The following PRKN variants were observed in gnomAD, a reference collection of about 807,000 sequenced individuals.
PRKN encodes E3 ubiquitin-protein ligase parkin.
In PRKN, 56 loss-of-function variants were observed where a neutral mutation model predicts 59.5. That is an observed-to-expected ratio of 0.94 (90% CI 0.76 to 1.18). The LOEUF (loss-of-function observed/expected upper bound fraction) is 1.18. Ranked by LOEUF, PRKN falls within the 50% of genes most tolerant of loss-of-function variation. PRKN has a pLI of 0.00. For missense variants in PRKN, 657 were observed against 596.4 expected (o/e 1.10, Z -1.06); for synonymous variants, 250 against 222.1 (o/e 1.13, Z -1.12).
At chr6:161,384,932 C>CT (rs1329778424) in intron 10 of PRKN, among the ~76,000 whole-genome samples, 22 of 152,066 alleles carry the variant, frequency 1.4e-4, no homozygotes, top group Admixed American at 1.4e-3. Context: ...CTTTTCTTTT[C>CT]TTTTTTTGAG....
chr6:161,790,954 G>A (rs2128207952), intron 6 of PRKN, among the ~76,000 whole-genome samples: 1 of 152,234 alleles, frequency 6.6e-6, no homozygotes, highest in South Asian at 2.1e-4. Context: ...TCTGGGAGTG[G>A]AAATGAGAAG....
Position 161,438,907 on chromosome 6 carries a change from A to G in PRKN, c.1084-52030T>C, listed in dbSNP as rs561055506. On this transcript the variant is annotated intron_variant, in intron 9 of 11. Coordinates refer to ENST00000366898, the MANE Select transcript of PRKN (RefSeq NM_004562.3). ...TTTGTTTAAGAAATATAAGCACATGAGAGGCTTAAAAAGGTAGGGGTTGTA... is the reference window on the plus strand; with the variant it reads ...TTTGTTTAAGAAATATAAGCACATGGGAGGCTTAAAAAGGTAGGGGTTGTA... 2.6e-5 allele frequency among the ~76,000 whole-genome samples: 4 copies of G among 152,316 alleles called. No individual in the cohort carries two copies. In the South Asian group the frequency reaches 8.3e-4, roughly 32 times the overall value.
At chr6:162,100,378 C>T (rs1455274569) in intron 4 of PRKN, among the ~76,000 whole-genome samples, 2 of 152,042 alleles carry the variant, frequency 1.3e-5, no homozygotes, top group Non-Finnish European at 1.5e-5. Flanking sequence ...TACATTCCCA[C>T]CAACAGTGTA....
intron 1 of PRKN, among the ~76,000 whole-genome samples, chr6:162,689,203 C>T (rs1032929400): frequency 1.3e-5 from 2 of 152,128 alleles, no homozygotes; most frequent in African/African-American, 2.4e-5. Context: ...AATAATTCAT[C>T]GGTCTTTCTT....
At chr6:161,656,840 C>T (rs2128164002) in intron 7 of PRKN, among the ~76,000 whole-genome samples, 1 of 152,328 alleles carries the variant, frequency 6.6e-6, no homozygotes, top group Admixed American at 6.5e-5. Flanking sequence ...CCCCCTACCT[C>T]TTCCCAAATT....
chr6:161,572,729 T>C (rs895715700), intron 7 of PRKN, among the ~76,000 whole-genome samples: 1 of 152,088 alleles, frequency 6.6e-6, no homozygotes, highest in Non-Finnish European at 1.5e-5. Context: ...ATACATTAGC[T>C]TTCACAGGCA....
intron 6 of PRKN, among the ~76,000 whole-genome samples, chr6:161,941,774 G>GCC (rs1421490253): frequency 6.6e-6 from 1 of 152,098 alleles, no homozygotes; most frequent in African/African-American, 2.4e-5. Flanking sequence ...ACGCCCCCAT[G>GCC]ACATGCCCTG....
chr6:161,801,946 AAAC>A (rs1372801412), intron 6 of PRKN, among the ~76,000 whole-genome samples: 3 of 152,196 alleles, frequency 2.0e-5, no homozygotes, highest in African/African-American at 7.2e-5. Context: ...GCTGAGGGTT[AAAC>A]AACAGGCAAG....
chr6:161,728,469 G>T (rs1442743617), intron 7 of PRKN, among the ~76,000 whole-genome samples: 1 of 152,164 alleles, frequency 6.6e-6, no homozygotes, highest in Non-Finnish European at 1.5e-5. Flanking sequence ...GAGAGGAAGA[G>T]GGGCTTGTCA....
chr6:162,358,088 A>G, intron 2 of PRKN, among the ~76,000 whole-genome samples: 1 of 152,186 alleles, frequency 6.6e-6, no homozygotes, highest in East Asian at 1.9e-4. Flanking sequence ...ACGTATCAAT[A>G]TTGCTTCACC....
chr6:162,726,246 T>C (rs541332430), intron 1 of PRKN, among the ~76,000 whole-genome samples: 2 of 152,328 alleles, frequency 1.3e-5, no homozygotes, highest in East Asian at 3.9e-4. Context: ...TAGATTAAGT[T>C]AAATTAAAAT....
At chr6:162,269,127 T>C (rs1229359381) in intron 2 of PRKN, among the ~76,000 whole-genome samples, 1 of 152,126 alleles carries the variant, frequency 6.6e-6, no homozygotes, top group Non-Finnish European at 1.5e-5. Context: ...CGGATGCTGG[T>C]GCTGGCTCAA....
chr6:162,653,416 T>A (rs908653019), intron 1 of PRKN, among the ~76,000 whole-genome samples: 17 of 152,188 alleles, frequency 1.1e-4, no homozygotes, highest in African/African-American at 3.6e-4. Flanking sequence ...AATAATTTTT[T>A]AAAAATCAAC....
rs575111224 is a variant in PRKN, at chr6:161,409,479, A to G, written c.1084-22602T>C. 6.6e-6 allele frequency among the ~76,000 whole-genome samples: 1 copy of G among 151,634 alleles called. No homozygotes were observed. Among genetic ancestry groups the G allele is most frequent in the African/African-American group, 2.4e-5 (1 of 40,904 alleles). The stretch of plus-strand genomic sequence containing the variant: ...AAATGCGGAAGGACCCAGTCTTTCC[A>G]GAGTGCCCCTTTCTCAGGACATAGA... On this transcript the variant is annotated intron_variant, in intron 9 of 11. Coordinates refer to ENST00000366898, the MANE Select transcript of PRKN (RefSeq NM_004562.3). The surrounding 1 kb of genome is among the most constrained non-coding windows in gnomAD (Gnocchi z 4.6).
chr6:161,733,948 GAA>G (rs539617350), intron 7 of PRKN, among the ~76,000 whole-genome samples: 386 of 128,522 alleles, frequency 3.0e-3, no homozygotes, highest in African/African-American at 0.01. Flanking sequence ...CTCTTTTATT[GAA>G]AATTCATTTA....
intron 1 of PRKN, among the ~76,000 whole-genome samples, chr6:162,497,294 G>A (rs1793109637): frequency 6.6e-6 from 1 of 152,278 alleles, no homozygotes; most frequent in South Asian, 2.1e-4. Flanking sequence ...TAGTCAAAGA[G>A]AAAGAAATTA....
At chr6:161,921,661 A>G (rs1229226025) in intron 6 of PRKN, among the ~76,000 whole-genome samples, 1 of 152,166 alleles carries the variant, frequency 6.6e-6, no homozygotes, top group African/African-American at 2.4e-5. Context: ...TCATGGACTG[A>G]AGTGTCATTG....
intron 4 of PRKN, among the ~76,000 whole-genome samples, chr6:162,099,425 C>T (rs144613859): frequency 1.2e-4 from 19 of 152,326 alleles, no homozygotes; most frequent in African/African-American, 4.3e-4. Flanking sequence ...GCGTACCCCT[C>T]CCTGGAGAAA....
At chr6:162,018,019 C>T (rs1456686293) in intron 5 of PRKN, among the ~76,000 whole-genome samples, 1 of 151,888 alleles carries the variant, frequency 6.6e-6, no homozygotes, top group East Asian at 1.9e-4. Context: ...GCCATAATAA[C>T]TTTTATTTTT....
Sources: allele counts gnomAD v4.1 joint callset (sites outside exome capture counted in the v4.1 genomes callset), GRCh38; gene constraint gnomAD v4.1.1; non-coding constraint Gnocchi (gnomAD v3.1); transcripts MANE v1.5; gene names NCBI Gene and HGNC (gene_info 2026-07-23, HGNC 2026-07-21).